The following BAZ1A variants were observed in gnomAD, a reference collection of about 807,000 sequenced individuals.
The protein encoded by BAZ1A is bromodomain adjacent to zinc finger domain protein 1A.
In BAZ1A, 50 loss-of-function variants were observed where a neutral mutation model predicts 185.2. The ratio of observed to expected loss-of-function variants is 0.27; its 90% CI spans 0.22 to 0.34. BAZ1A has a LOEUF of 0.34. Ranked by LOEUF, BAZ1A falls within the 10% of genes least tolerant of loss-of-function variation. The pLI, the probability that BAZ1A is intolerant of heterozygous loss-of-function variation, is 1.00. For missense variants in BAZ1A, 1,356 were observed against 1,839.9 expected, an observed-to-expected ratio of 0.74 and a Z score of 4.81; for synonymous variants, 571 against 615.6, an observed-to-expected ratio of 0.93 and a Z score of 1.07.
In BAZ1A at chr14:34,776,038, A is replaced by G. The variant is rs911511192; in HGVS notation, c.2714T>C (p.Ile905Thr). 1.9e-6 allele frequency: 3 copies of G among 1,614,056 alleles called. No homozygotes were observed. The highest frequency in any genetic ancestry group is 2.5e-6 in the Non-Finnish European group (3 of 1,180,010). Residue 905 changes from isoleucine to threonine, a missense_variant, in exon 18 of 27, where the codon ATT (isoleucine) becomes ACT (threonine). This residue lies in a region of BAZ1A where 434 missense variants were observed against 561.7 expected (regional missense o/e 0.77). Transcript: ENST00000360310. ...ATGTCCTCTAGAATTAAGAGCTTCA[A>G]TAAGCTGGTCTAGCTGTTCACAAGA... is the stretch of plus-strand genomic sequence containing the variant. ...YSSCEQLDQL[I>T]EALNSRGHRE...
chr14:34,866,502 A>AAAAAGAAAGAAAG lies in BAZ1A; in HGVS notation c.114-4181_114-4180insCTTTCTTTCTTTT. Among the ~76,000 whole-genome samples, 5 of 79,538 alleles carry AAAAAGAAAGAAAG rather than the reference A, an allele frequency of 6.3e-5. 1 individual carries two copies. Among genetic ancestry groups the AAAAAGAAAGAAAG allele is most frequent in the Non-Finnish European group, 1.4e-4 (5 of 35,286 alleles). The allele number at this position is 79,538 out of a possible 152,430, so 52.2% of individuals were successfully genotyped here. A position where few individuals can be genotyped will look rare whatever the true frequency, so the allele number is the denominator to read the frequency against. On this transcript the variant is annotated intron_variant, in intron 2 of 26. Transcript: ENST00000360310. ...AACAATATCTCAAAAAAAAAAAAAA[A>AAAAAGAAAGAAAG]GAAAAAAGTTCTAACTTTTTCCTAT...
intron 3 of BAZ1A, among the ~76,000 whole-genome samples, chr14:34,855,901 C>T (rs1008509103): frequency 1.3e-5 from 2 of 151,984 alleles, no homozygotes; most frequent in Non-Finnish European, 2.9e-5. Context: ...GAGAAACTAT[C>T]TCAAAAAATA....
chr14:34,788,460 T>C (rs1392762819), intron 12 of BAZ1A, among the ~76,000 whole-genome samples: 2 of 152,064 alleles, frequency 1.3e-5, no homozygotes, highest in Admixed American at 6.6e-5. Flanking sequence ...CATGCCACCA[T>C]GCCCACCTAG....
At position 34,771,493 on chromosome 14, in the gene BAZ1A, A is replaced by C. The variant is rs1488836086; in HGVS notation, c.3301+18T>G. On this transcript the variant is annotated intron_variant, in intron 21 of 26. Transcript: ENST00000360310. ...CTTATAACACAACTAATATTTTGAA[A>C]TAAAAACAGATACTTACCAAGTGGA... The C allele has an allele frequency of 1.3e-6, 2 of 1,594,468 alleles. No individual in the cohort carries two copies. The highest frequency in any genetic ancestry group is 4.5e-5 in the East Asian group (2 of 44,648).
intron 25 of BAZ1A, among the ~76,000 whole-genome samples, chr14:34,756,715 T>G (rs1566541259): frequency 6.6e-6 from 1 of 152,076 alleles, no homozygotes; most frequent in East Asian, 1.9e-4. Flanking sequence ...ATTCACCGCC[T>G]TGGCCTCCCA....
intron 3 of BAZ1A, among the ~76,000 whole-genome samples, chr14:34,850,289 A>G (rs566433739): frequency 6.6e-6 from 1 of 152,138 alleles, no homozygotes; most frequent in African/African-American, 2.4e-5. Context: ...GAGGTGGGAG[A>G]ATTGCCTGAG....
chr14:34,773,784 G>T (rs1302485001), intron 19 of BAZ1A, 58 bp from the exon 20 acceptor site: 6 of 1,529,452 alleles, frequency 3.9e-6, no homozygotes, highest in Non-Finnish European at 5.4e-6. Flanking sequence ...TTTCTGAGAG[G>T]TATGAAGTTC....
chr14:34,777,074 G>A (rs576242941), intron 17 of BAZ1A, among the ~76,000 whole-genome samples: 9 of 152,308 alleles, frequency 5.9e-5, no homozygotes, highest in Admixed American at 2.6e-4. Flanking sequence ...GAGTATGTTA[G>A]TTCTCCTCCA....
At chr14:34,837,931 A>G (rs2042354430) in intron 3 of BAZ1A, among the ~76,000 whole-genome samples, 1 of 152,228 alleles carries the variant, frequency 6.6e-6, no homozygotes, top group South Asian at 2.1e-4. Flanking sequence ...CTTTTGTTTC[A>G]ACATAGTAAC....
Position 34,764,782 on chromosome 14 carries a change from T to G in BAZ1A, c.3701A>C (p.Glu1234Ala). 6.2e-7 allele frequency: 1 copy of G among 1,611,518 alleles called. No homozygotes were observed. Among genetic ancestry groups the G allele is most frequent in the Admixed American group, 1.7e-5 (1 of 59,990 alleles). ...GEDDEVDGDEEEGQSEEEEYE... is the reference protein window; with the variant it reads ...GEDDEVDGDEAEGQSEEEEYE... Reference sequence around the variant, plus strand: ...CTCTTCCTCCTCACTTTGACCTTCTTCTTCATCGCCATCAACTTCATCATC... The same window carrying G: ...CTCTTCCTCCTCACTTTGACCTTCTGCTTCATCGCCATCAACTTCATCATC... The change falls in exon 23 of 27, where the codon GAA (glutamate) becomes GCA (alanine). Residue 1234 changes from glutamate (E) to alanine (A), a missense_variant. By Grantham distance (107) the Glu-to-Ala change is moderately radical (BLOSUM62 -1). This residue lies in a region of BAZ1A where 309 missense variants were observed against 355.3 expected (regional missense o/e 0.87). Transcript: ENST00000360310.
Position 34,875,328 on chromosome 14 carries a change from T to TG in BAZ1A, c.-250dup. Reference sequence around the variant, plus strand: ...CCACTTCCCCGCCTCTCGGAGCTCCTGGGAAGTTTCTGATCTACTTTCGGC... The same window carrying TG: ...CCACTTCCCCGCCTCTCGGAGCTCCTGGGGAAGTTTCTGATCTACTTTCGGC... On this transcript the variant is annotated 5_prime_UTR_variant, in exon 1 of 27. Coordinates refer to ENST00000360310, the MANE Select transcript of BAZ1A (RefSeq NM_013448.3). 2.2e-6 allele frequency: 1 copy of TG among 456,074 alleles called. No individual in the cohort carries two copies. The highest frequency in any genetic ancestry group is 7.0e-5 in the East Asian group (1 of 14,388). The allele number at this position is 456,074 out of a possible 1,614,324, so 28.3% of individuals were successfully genotyped here. A position where few individuals can be genotyped will look rare whatever the true frequency, so the allele number is the denominator to read the frequency against.
intron 25 of BAZ1A, among the ~76,000 whole-genome samples, chr14:34,757,872 A>G (rs1333860418): frequency 6.7e-6 from 1 of 149,258 alleles, no homozygotes; most frequent in Non-Finnish European, 1.5e-5. Flanking sequence ...TCAGCCTCCC[A>G]AGTAGCGGGG....
chr14:34,776,057 C>A lies in BAZ1A; in HGVS notation c.2695G>T (p.Glu899Ter). 6.2e-7 allele frequency: 1 copy of A among 1,614,158 alleles called. No individual in the cohort carries two copies. The highest frequency in any genetic ancestry group is 1.1e-5 in the South Asian group (1 of 91,064). Reference sequence around the variant, plus strand: ...GCTTCAATAAGCTGGTCTAGCTGTTCACAAGAACTGTAAAAGCACCACCGA... The same window carrying A: ...GCTTCAATAAGCTGGTCTAGCTGTTAACAAGAACTGTAAAAGCACCACCGA... ...PNRWCFYSSCEQLDQLIEALN... is the reference protein window; with the variant it reads ...PNRWCFYSSC The change falls in exon 18 of 27, where the codon GAA (glutamate) becomes TAA (stop). Residue 899 changes from glutamate (E) to a stop codon, truncating the protein, a stop_gained. Coordinates refer to ENST00000360310, the MANE Select transcript of BAZ1A (RefSeq NM_013448.3). LOFTEE classifies it high-confidence loss of function.
Position 34,824,124 on chromosome 14 carries a change from A to C in BAZ1A, c.536+1889T>G, listed in dbSNP as rs531123570. Among the ~76,000 whole-genome samples, 67 of 151,108 alleles carry C rather than the reference A, an allele frequency of 4.4e-4. 1 individual carries two copies. In the South Asian group the frequency reaches 0.014, roughly 31 times the overall value. On this transcript the variant is annotated intron_variant, in intron 4 of 26. Transcript: ENST00000360310. ...AGTGGCTCCTGCCTGTAATCCCAGC[A>C]CTTCAAGAGACTGAGGTGGGAAGCC...
intron 6 of BAZ1A, among the ~76,000 whole-genome samples, chr14:34,807,171 G>A (rs1253210255): frequency 6.6e-6 from 1 of 150,776 alleles, no homozygotes; most frequent in Non-Finnish European, 1.5e-5. Flanking sequence ...GGAAGCTATA[G>A]TTGCCCCACC....
intron 7 of BAZ1A, among the ~76,000 whole-genome samples, chr14:34,802,229 G>A (rs1213701522): frequency 6.6e-6 from 1 of 151,984 alleles, no homozygotes; most frequent in African/African-American, 2.4e-5. Flanking sequence ...TTTTTGTTTT[G>A]TTTTGTTTTG....
In BAZ1A at chr14:34,866,248, T is replaced by C. The variant is rs74919043; in HGVS notation, c.114-3926A>G. 6.2e-3 allele frequency among the ~76,000 whole-genome samples: 941 copies of C among 151,784 alleles called. 15 individuals are homozygous for C. Among genetic ancestry groups the C allele is most frequent in the African/African-American group, 0.022 (905 of 41,420 alleles). On this transcript the variant is annotated intron_variant, in intron 2 of 26. Transcript: ENST00000360310. ...TCTATAATCCCACCACTTTGGAAGA[T>C]TGAGGCAGGAGAAATGCTTAAGCCC...
intron 4 of BAZ1A, among the ~76,000 whole-genome samples, chr14:34,823,419 G>A (rs548445749): frequency 6.6e-6 from 1 of 151,970 alleles, no homozygotes; most frequent in South Asian, 2.1e-4. Context: ...CAGCACTTTG[G>A]GAGGCCAAGG....
rs546907585 is a variant in BAZ1A, at chr14:34,773,849, A to T, written c.2998-123T>A. On this transcript the variant is annotated intron_variant, in intron 19 of 26. Coordinates refer to ENST00000360310, the MANE Select transcript of BAZ1A (RefSeq NM_013448.3). ...TTTTAGAAATGATTATGAATCAAAA[A>T]GGTATCTAAAAATAAGGTTACTAAG... 86 of 1,060,062 alleles carry T rather than the reference A, an allele frequency of 8.1e-5. 1 individual carries two copies. The South Asian group carries it at 1.2e-3, about 15-fold the overall frequency. 65.7% of individuals were successfully genotyped at this position (1,060,062 alleles called of 1,614,324 possible).
Sources: allele counts gnomAD v4.1 joint callset (sites outside exome capture counted in the v4.1 genomes callset), GRCh38; gene constraint gnomAD v4.1.1; regional missense constraint gnomAD v4.1.1; transcripts MANE v1.5; gene names NCBI Gene and HGNC (gene_info 2026-07-23, HGNC 2026-07-21).